Variants in ARID1B observed in about 807,000 individuals in gnomAD.
The protein encoded by ARID1B is AT-rich interaction domain 1B, also known as AT-rich interactive domain-containing protein 1B.
ARID1B carries 30 observed loss-of-function variants against 212.3 expected under a neutral mutation model. The ratio of observed to expected loss-of-function variants is 0.14; its 90% CI spans 0.11 to 0.19. The LOEUF is 0.19. ARID1B is among the 10% of genes least tolerant of loss of function. The probability of loss-of-function intolerance (pLI) is 1.00; values close to 1 mark genes in which losing one functional copy is unlikely to be tolerated. For missense variants in ARID1B, 2,891 were observed against 3,204.0 expected (o/e 0.90, Z 2.36); for synonymous variants, 1,402 against 1,301.7 (o/e 1.08, Z -1.66).
At chr6:156,962,490 G>A (rs1390445637) in intron 4 of ARID1B, among the ~76,000 whole-genome samples, 7 of 152,192 alleles carry the variant, frequency 4.6e-5, no homozygotes, top group African/African-American at 1.7e-4. Flanking sequence ...CGTGGAGGGA[G>A]ACAAGGTCTG....
At chr6:156,998,183 C>T (rs1778706254) in intron 4 of ARID1B, among the ~76,000 whole-genome samples, 2 of 150,950 alleles carry the variant, frequency 1.3e-5, no homozygotes, top group African/African-American at 4.9e-5. Context: ...TTCTGTTTTG[C>T]TCCCCTCTCC....
At chr6:157,111,919 T>A (rs1024997541) in intron 6 of ARID1B, among the ~76,000 whole-genome samples, 8 of 152,182 alleles carry the variant, frequency 5.3e-5, no homozygotes, top group African/African-American at 1.9e-4. Context: ...AAGTTTCCAA[T>A]TCAGAAGGTT....
rs1248291075 is a variant in ARID1B, at chr6:156,779,213, C to G, written c.1533C>G (p.Pro511=). 2.3e-6 allele frequency: 3 copies of G among 1,305,712 alleles called. No individual in the cohort carries two copies. In the East Asian group the frequency reaches 9.5e-5, roughly 41 times the overall value. 80.9% of individuals were successfully genotyped at this position (1,305,712 alleles called of 1,614,324 possible). Residue 511 remains proline (P), a synonymous_variant, in exon 1 of 20, where the codon CCC becomes CCG. Transcript: ENST00000636930. ...ATCAGCTGCTCACCTCGCCCAGCCCCATGATGCGGAGCTACGGCGGCAGCT... is the reference window on the plus strand; with the variant it reads ...ATCAGCTGCTCACCTCGCCCAGCCCGATGATGCGGAGCTACGGCGGCAGCT... ...TLNQLLTSPS[P]MMRSYGGSYP... is the part of the protein sequence containing the mutation.
At chr6:157,046,769 G>A (rs1782269188) in intron 4 of ARID1B, among the ~76,000 whole-genome samples, 1 of 152,156 alleles carries the variant, frequency 6.6e-6, no homozygotes, top group African/African-American at 2.4e-5. Flanking sequence ...TTTATTTTCT[G>A]CCACCTTTAG....
In ARID1B at chr6:157,167,159, C is replaced by T. The variant is rs750810656; in HGVS notation, c.3209C>T (p.Ala1070Val). ...ACGCAGGCGCCGCCCTACAGCATGGCGCCCGCCATGGTGAACAGCTCGGCA... is the reference window on the plus strand; with the variant it reads ...ACGCAGGCGCCGCCCTACAGCATGGTGCCCGCCATGGTGAACAGCTCGGCA... ...MNTQAPPYSM[A>V]PAMVNSSAAS... Residue 1070 changes from alanine to valine, a missense_variant, in exon 9 of 20, where the codon GCG becomes GTG. Physicochemically the swap from Ala to Val is moderately conservative, Grantham distance 64. This residue lies in a region of ARID1B where 1,643 missense variants were observed against 1,544.0 expected (regional missense o/e 1.06). Coordinates refer to ENST00000636930, the MANE Select transcript of ARID1B (RefSeq NM_001374828.1). 45 of 1,608,830 alleles carry T rather than the reference C, an allele frequency of 2.8e-5. No homozygotes were observed. The highest frequency in any genetic ancestry group is 3.7e-5 in the Non-Finnish European group (44 of 1,179,866).
intron 2 of ARID1B, among the ~76,000 whole-genome samples, chr6:156,845,164 GA>G (rs1447502108): frequency 6.6e-6 from 1 of 152,110 alleles, no homozygotes; most frequent in Non-Finnish European, 1.5e-5. Context: ...CTTTTATTTG[GA>G]AGTAAGCACT....
intron 11 of ARID1B, chr6:157,175,882 A>T (rs1397303914): frequency 6.6e-6 from 1 of 152,034 alleles, no homozygotes; most frequent in Non-Finnish European, 1.5e-5. Context: ...AAAAAACAAC[A>T]TGCAATTACT....
At chr6:157,049,715 T>C (rs1374867313) in intron 4 of ARID1B, among the ~76,000 whole-genome samples, 1 of 152,192 alleles carries the variant, frequency 6.6e-6, no homozygotes, top group African/African-American at 2.4e-5. Flanking sequence ...AGGCTTATCT[T>C]ATCCATTAAA....
chr6:156,871,177 T>C (rs1786098630), intron 2 of ARID1B, among the ~76,000 whole-genome samples: 1 of 152,226 alleles, frequency 6.6e-6, no homozygotes, highest in Non-Finnish European at 1.5e-5. Flanking sequence ...TTCTTACATA[T>C]ACCATAGAAG....
chr6:157,147,053 C>G (rs1789781186), intron 7 of ARID1B, among the ~76,000 whole-genome samples: 1 of 152,070 alleles, frequency 6.6e-6, no homozygotes, highest in Non-Finnish European at 1.5e-5. Flanking sequence ...TGGTGCAAAG[C>G]ACTTAACCAA....
At chr6:156,874,294 G>T (rs557643249) in intron 2 of ARID1B, among the ~76,000 whole-genome samples, 49 of 152,248 alleles carry the variant, frequency 3.2e-4, no homozygotes, top group Non-Finnish European at 6.6e-4. Flanking sequence ...CAAACTCCTG[G>T]TAGGCTCAAG....
intron 8 of ARID1B, chr6:157,152,391 CCTT>C (rs1196206580): frequency 6.6e-6 from 1 of 152,172 alleles, no homozygotes; most frequent in Non-Finnish European, 1.5e-5. Context: ...AACACCTCCT[CCTT>C]AATTAAAAAT....
intron 7 of ARID1B, among the ~76,000 whole-genome samples, chr6:157,134,311 A>T (rs1231070362): frequency 6.6e-6 from 1 of 152,218 alleles, no homozygotes; most frequent in Non-Finnish European, 1.5e-5. Context: ...TGTGTTCTGA[A>T]GATGTTTTTC....
chr6:156,871,874 T>G (rs1786162550), intron 2 of ARID1B, among the ~76,000 whole-genome samples: 1 of 152,248 alleles, frequency 6.6e-6, no homozygotes, highest in Non-Finnish European at 1.5e-5. Context: ...ACAAGAGCAT[T>G]CACTTCTGGT....
intron 9 of ARID1B, 136 bp downstream of exon 9, chr6:157,167,321 T>C: frequency 9.2e-7 from 1 of 1,085,420 alleles, no homozygotes; most frequent in Non-Finnish European, 1.3e-6. Context: ...ACTTTTCTGC[T>C]TCTCAGAAAC....
chr6:157,152,577 T>C (rs1471412090), intron 8 of ARID1B, among the ~76,000 whole-genome samples: 1 of 152,216 alleles, frequency 6.6e-6, no homozygotes, highest in East Asian at 1.9e-4. Flanking sequence ...AAATCTTCCT[T>C]CTGTTCACTT....
At chr6:156,803,563 C>A (rs1201273067) in intron 1 of ARID1B, among the ~76,000 whole-genome samples, 1 of 151,472 alleles carries the variant, frequency 6.6e-6, no homozygotes, top group South Asian at 2.1e-4. Flanking sequence ...TCCCTCCTTT[C>A]TCTTCAAGTG....
At chr6:157,003,265 T>C (rs1779010046) in intron 4 of ARID1B, among the ~76,000 whole-genome samples, 1 of 152,198 alleles carries the variant, frequency 6.6e-6, no homozygotes, top group Non-Finnish European at 1.5e-5. Context: ...AGACTGGAGC[T>C]AAGGATGCTC....
At chr6:157,172,422 G>GA (rs541677184) in intron 9 of ARID1B, among the ~76,000 whole-genome samples, 89 of 152,126 alleles carry the variant, frequency 5.9e-4, no homozygotes, top group Non-Finnish European at 9.3e-4. Context: ...AAAGTAATTT[G>GA]AAAAAAAGAA....
Sources: allele counts gnomAD v4.1 joint callset (sites outside exome capture counted in the v4.1 genomes callset), GRCh38; gene constraint gnomAD v4.1.1; regional missense constraint gnomAD v4.1.1; transcripts MANE v1.5; gene names NCBI Gene and HGNC (gene_info 2026-07-23, HGNC 2026-07-21).